Variants in PDE4D observed in about 807,000 individuals in gnomAD.
The protein encoded by PDE4D is 3',5'-cyclic-AMP phosphodiesterase 4D.
In PDE4D, 24 loss-of-function variants were observed where a neutral mutation model predicts 87.4. The ratio of observed to expected loss-of-function variants is 0.27; its 90% confidence interval spans 0.20 to 0.39. The LOEUF is 0.39. Among genes scored for constraint, PDE4D ranks in the 10% least tolerant of loss-of-function variants. PDE4D has a pLI of 1.00. For synonymous variants in PDE4D, 384 were observed against 383.2 expected, an observed-to-expected ratio of 1.00 and a Z score of -0.02; for missense variants, 714 against 1,041.0, an observed-to-expected ratio of 0.69 and a Z score of 4.32.
intron 1 of PDE4D, among the ~76,000 whole-genome samples, chr5:60,516,364 C>A (rs1480678832): frequency 6.6e-6 from 1 of 152,206 alleles, no homozygotes; most frequent in African/African-American, 2.4e-5. Flanking sequence ...GCTGCAGAGG[C>A]AGTGAGTGAA....
At chr5:59,160,088 G>A (rs1780824507) in intron 5 of PDE4D, among the ~76,000 whole-genome samples, 2 of 152,152 alleles carry the variant, frequency 1.3e-5, no homozygotes, top group Admixed American at 6.5e-5. Flanking sequence ...TTAAGAATAA[G>A]CATAACACCT....
intron 3 of PDE4D, among the ~76,000 whole-genome samples, chr5:59,907,223 A>G (rs558054062): frequency 6.6e-6 from 1 of 152,246 alleles, no homozygotes; most frequent in Admixed American, 6.5e-5. Context: ...CTGGAGTAAG[A>G]TGGTATCTCA....
At chr5:60,075,035 A>T (rs1369136174) in intron 2 of PDE4D, among the ~76,000 whole-genome samples, 3 of 152,062 alleles carry the variant, frequency 2.0e-5, no homozygotes. Context: ...TATGGGTTTG[A>T]TCCTGTCATC....
intron 1 of PDE4D, among the ~76,000 whole-genome samples, chr5:59,549,873 A>G (rs1354574626): frequency 6.6e-6 from 1 of 152,070 alleles, no homozygotes; most frequent in African/African-American, 2.4e-5. Context: ...AGTTCAATAA[A>G]TAATAACAAT....
At chr5:59,695,108 T>C (rs62370495) in intron 1 of PDE4D, among the ~76,000 whole-genome samples, 7,126 of 152,198 alleles carry the variant, frequency 0.047, 188 homozygotes, top group South Asian at 0.061. Context: ...TAGGATCTTT[T>C]CTTTCAAAAT....
chr5:59,427,032 CA>C (rs1795351270), intron 1 of PDE4D, among the ~76,000 whole-genome samples: 1 of 106,176 alleles, frequency 9.4e-6, no homozygotes, highest in Non-Finnish European at 2.2e-5. Context: ...CACACACACA[CA>C]CACACACACA....
intron 1 of PDE4D, among the ~76,000 whole-genome samples, chr5:59,505,208 A>G (rs1809033558): frequency 6.6e-6 from 1 of 152,168 alleles, no homozygotes; most frequent in African/African-American, 2.4e-5. Flanking sequence ...TAATACAGCA[A>G]AAAGAACCCA....
chr5:59,048,321 G>A (rs1761027412), intron 5 of PDE4D, among the ~76,000 whole-genome samples: 1 of 152,208 alleles, frequency 6.6e-6, no homozygotes, highest in Non-Finnish European at 1.5e-5. Context: ...CTGTAGGAGA[G>A]CATCTGTGTT....
At chr5:60,160,999 C>A (rs1047122824) in intron 2 of PDE4D, among the ~76,000 whole-genome samples, 1 of 151,938 alleles carries the variant, frequency 6.6e-6, no homozygotes, top group African/African-American at 2.4e-5. Context: ...ATGTGCTGGG[C>A]ACAAAAGATT....
intron 2 of PDE4D, among the ~76,000 whole-genome samples, chr5:60,147,171 C>T (rs777421094): frequency 7.2e-5 from 11 of 152,232 alleles, no homozygotes; most frequent in Non-Finnish European, 1.6e-4. Context: ...CCATTGATCA[C>T]AGGCAAAGCG....
intron 2 of PDE4D, among the ~76,000 whole-genome samples, chr5:60,001,100 A>G (rs2152838642): frequency 6.6e-6 from 1 of 152,246 alleles, no homozygotes; most frequent in African/African-American, 2.4e-5. Flanking sequence ...ACTTAGTTCC[A>G]AGCTCTCTCA....
At chr5:59,054,580 A>G (rs776801087) in intron 5 of PDE4D, among the ~76,000 whole-genome samples, 20 of 151,938 alleles carry the variant, frequency 1.3e-4, no homozygotes, top group Non-Finnish European at 2.1e-4. Flanking sequence ...TTCAGTATAA[A>G]TTAAACCAAT....
At chr5:60,226,156 G>C (rs573218767) in intron 1 of PDE4D, among the ~76,000 whole-genome samples, 1 of 152,134 alleles carries the variant, frequency 6.6e-6, no homozygotes, top group African/African-American at 2.4e-5. Context: ...AAAGTATTTG[G>C]ATATTTCTTG....
Position 59,548,652 on chromosome 5 carries a change from A to G in PDE4D, c.456-332684T>C, listed in dbSNP as rs145665431. ...ATACAGAAAGTCTGCACTTGAGGAT[A>G]GGTTTTGATTAGTTGTTTTTAAAAA... is the stretch of plus-strand genomic sequence containing the variant. On this transcript the variant is annotated intron_variant, in intron 1 of 14. Transcript: ENST00000340635. Among the ~76,000 whole-genome samples, 7 of 152,306 alleles carry G rather than the reference A, an allele frequency of 4.6e-5. No homozygotes were observed. The East Asian group carries it at 1.2e-3, about 25-fold the overall frequency.
At chr5:59,930,253 T>C (rs1000525886) in intron 3 of PDE4D, among the ~76,000 whole-genome samples, 15 of 152,142 alleles carry the variant, frequency 9.9e-5, no homozygotes, top group African/African-American at 3.4e-4. Flanking sequence ...AAAGGATCTT[T>C]GCAGATGTAA....
chr5:60,150,043 A>G (rs1781366867), intron 2 of PDE4D, among the ~76,000 whole-genome samples: 1 of 147,540 alleles, frequency 6.8e-6, no homozygotes, highest in African/African-American at 2.5e-5. Flanking sequence ...CATATAGTAT[A>G]TATAATTCTA....
At chr5:59,579,083 A>C (rs968759382) in intron 1 of PDE4D, among the ~76,000 whole-genome samples, 22 of 152,286 alleles carry the variant, frequency 1.4e-4, no homozygotes, top group Non-Finnish European at 2.8e-4. Flanking sequence ...AAGTATTATC[A>C]GTAACTACTA....
Position 59,553,979 on chromosome 5 carries a change from CCTGGCATAATG to C in PDE4D, c.456-338022_456-338012del, listed in dbSNP as rs1370522186. ...TAGTTTTTTGAGCTCTGGCCACATA[CCTGGCATAATG>C]CTAGATGTTATACACATTAGCTTTC... On this transcript the variant is annotated intron_variant, in intron 1 of 14. Transcript: ENST00000340635. 9.2e-5 allele frequency among the ~76,000 whole-genome samples: 14 copies of C among 152,196 alleles called. No individual in the cohort carries two copies. The South Asian group carries it at 1.7e-3, about 18-fold the overall frequency.
intron 2 of PDE4D, among the ~76,000 whole-genome samples, chr5:59,198,483 T>A (rs1452794428): frequency 6.6e-6 from 1 of 152,126 alleles, no homozygotes; most frequent in Non-Finnish European, 1.5e-5. Context: ...AGTGTCACAT[T>A]GGTTTTAAAT....
Sources: gnomAD v4.1 joint callset for allele counts (sites outside exome capture counted in the v4.1 genomes callset) on GRCh38, gnomAD v4.1.1 for gene constraint, MANE v1.5 for transcripts, NCBI Gene and HGNC (gene_info 2026-07-23, HGNC 2026-07-21) for gene names.